The following RBMS3 variants were observed in gnomAD, a reference collection of about 807,000 sequenced individuals.
The protein encoded by RBMS3 is RNA-binding motif, single-stranded-interacting protein 3.
In RBMS3, 27 loss-of-function variants were observed where a neutral mutation model predicts 66.8. The ratio of observed to expected loss-of-function variants is 0.40; its 90% confidence interval spans 0.30 to 0.56. The LOEUF (loss-of-function observed/expected upper bound fraction) is 0.56, where lower values mean the gene tolerates loss of function less well. Among genes scored for constraint, RBMS3 ranks in the 20% least tolerant of loss-of-function variants. RBMS3 has a pLI of 0.40. For synonymous variants in RBMS3, 188 were observed against 183.0 expected (o/e 1.03, Z -0.22); for missense variants, 513 against 549.5 (o/e 0.93, Z 0.66).
rs192004114 is a variant in RBMS3, at chr3:29,665,990, C to T, written c.400-73730C>T. Among the ~76,000 whole-genome samples, 15 of 152,096 alleles carry T rather than the reference C, an allele frequency of 9.9e-5. No homozygotes were observed. In the East Asian group the frequency reaches 2.9e-3, roughly 30 times the overall value. ...TCTAAAAGGCTCGTCTACAGTTAAC[C>T]CTCTCCTCACCTTCTTGCTTCCTCT... On this transcript the variant is annotated intron_variant, in intron 4 of 14. Transcript: ENST00000383767.
chr3:29,590,124 A>C (rs1229775372), intron 4 of RBMS3, among the ~76,000 whole-genome samples: 1 of 150,866 alleles, frequency 6.6e-6, no homozygotes, highest in Non-Finnish European at 1.5e-5. Flanking sequence ...TGTTTCTTTT[A>C]GGAAATCAGA....
chr3:29,747,378 G>C lies in RBMS3; in HGVS notation c.557+7501G>C, dbSNP rs202113608. ...TCTATCTATCTATCTATCTATCTAG[G>C]TAGGTAGGTAGGTAGATAGATAGAT... On this transcript the variant is annotated intron_variant, in intron 5 of 14. Transcript: ENST00000383767. Among the ~76,000 whole-genome samples the C allele has an allele frequency of 9.8e-3, 1,275 of 130,508 alleles. 27 individuals carry two copies. Among genetic ancestry groups the C allele is most frequent in the Admixed American group, 0.043 (549 of 12,716 alleles). 85.6% of individuals were successfully genotyped at this position (130,508 alleles called of 152,430 possible).
intron 6 of RBMS3, among the ~76,000 whole-genome samples, chr3:29,812,571 T>C (rs1043349988): frequency 3.3e-5 from 5 of 152,292 alleles, no homozygotes; most frequent in Admixed American, 6.5e-5. Context: ...AAGCAGGAGA[T>C]TGCTGCTGTG....
intron 1 of RBMS3, among the ~76,000 whole-genome samples, chr3:29,323,100 A>T (rs748971348): frequency 1.4e-4 from 22 of 152,162 alleles, no homozygotes; most frequent in Non-Finnish European, 3.2e-4. Flanking sequence ...TCAAGAAGTC[A>T]AGAAAGACTG....
intron 1 of RBMS3, among the ~76,000 whole-genome samples, chr3:29,401,890 A>C (rs557751402): frequency 6.6e-6 from 1 of 152,120 alleles, no homozygotes; most frequent in Non-Finnish European, 1.5e-5. Context: ...TAATTTTTTA[A>C]AACTTGAAAA....
intron 4 of RBMS3, among the ~76,000 whole-genome samples, chr3:29,615,646 T>C (rs2048645191): frequency 1.3e-5 from 2 of 152,136 alleles, no homozygotes; most frequent in Admixed American, 6.5e-5. Flanking sequence ...GGTGCTGAGG[T>C]AAAAAGACTA....
intron 3 of RBMS3, among the ~76,000 whole-genome samples, chr3:29,558,580 T>C (rs2046435661): frequency 6.6e-6 from 1 of 152,232 alleles, no homozygotes; most frequent in Admixed American, 6.5e-5. Flanking sequence ...GTAGTGTTCA[T>C]TCATTCGACA....
chr3:29,867,833 G>T (rs1037263725), intron 6 of RBMS3, among the ~76,000 whole-genome samples: 2 of 151,818 alleles, frequency 1.3e-5, no homozygotes, highest in Admixed American at 1.3e-4. Context: ...TTCCTAATGA[G>T]TAACAGTTGT....
intron 10 of RBMS3, among the ~76,000 whole-genome samples, chr3:29,902,896 C>T (rs17024578): frequency 0.024 from 3,583 of 151,886 alleles, 147 homozygotes; most frequent in African/African-American, 0.082. Flanking sequence ...ACAGTGCTTC[C>T]GTAAAGTTCT....
intron 5 of RBMS3, among the ~76,000 whole-genome samples, chr3:29,747,809 C>T (rs934606616): frequency 1.3e-5 from 2 of 152,096 alleles, no homozygotes; most frequent in Admixed American, 6.5e-5. Context: ...CAGGAAAGAG[C>T]GGGCAAACAG....
intron 3 of RBMS3, among the ~76,000 whole-genome samples, chr3:29,553,861 G>A (rs2046259892): frequency 6.7e-6 from 1 of 149,000 alleles, no homozygotes; most frequent in African/African-American, 2.5e-5. Flanking sequence ...TCTCCTGAAA[G>A]GTACACTGTG....
intron 4 of RBMS3, among the ~76,000 whole-genome samples, chr3:29,636,724 G>A (rs988276337): frequency 6.6e-6 from 1 of 151,904 alleles, no homozygotes. Context: ...TATTTGCGCA[G>A]CACGACTTCA....
intron 4 of RBMS3, among the ~76,000 whole-genome samples, chr3:29,626,396 C>T (rs1039248622): frequency 3.9e-5 from 6 of 152,108 alleles, no homozygotes; most frequent in African/African-American, 1.2e-4. Context: ...TTTGGCAAAA[C>T]GTGATCAAGC....
In RBMS3 at chr3:29,997,112, AACTACCATCAGAGAAT is replaced by A. The variant is rs557196785; in HGVS notation, c.1307+5909_1307+5924del. 4.7e-4 allele frequency among the ~76,000 whole-genome samples: 71 copies of A among 151,902 alleles called. No homozygotes were observed. The East Asian group carries it at 0.013, about 28-fold the overall frequency. On this transcript the variant is annotated intron_variant, in intron 14 of 14. Transcript: ENST00000383767. ...TCACCACCGATCCCACAGAAATACA[AACTACCATCAGAGAAT>A]ACTACAAACACCTCTACGCAAATAA...
At chr3:29,996,895 G>C (rs1699279267) in intron 14 of RBMS3, among the ~76,000 whole-genome samples, 1 of 152,014 alleles carries the variant, frequency 6.6e-6, no homozygotes, top group African/African-American at 2.4e-5. Flanking sequence ...AAAGCTAGCA[G>C]AAGGCAAGAA....
At chr3:29,888,154 C>A (rs961287064) in intron 8 of RBMS3, among the ~76,000 whole-genome samples, 1 of 151,654 alleles carries the variant, frequency 6.6e-6, no homozygotes. Flanking sequence ...AACATTGTAT[C>A]CTTTAAACTA....
chr3:29,898,021 G>T (rs2060167854), intron 9 of RBMS3, among the ~76,000 whole-genome samples: 1 of 151,536 alleles, frequency 6.6e-6, no homozygotes, highest in African/African-American at 2.4e-5. Flanking sequence ...GACCAAAAGA[G>T]ACCTCAGGGG....
intron 1 of RBMS3, among the ~76,000 whole-genome samples, chr3:29,395,842 G>C (rs1443801355): frequency 6.6e-6 from 1 of 152,060 alleles, no homozygotes; most frequent in Non-Finnish European, 1.5e-5. Flanking sequence ...GCTCCAACTT[G>C]GCTTCCCACA....
intron 1 of RBMS3, among the ~76,000 whole-genome samples, chr3:29,376,766 C>T (rs942819338): frequency 1.7e-4 from 26 of 152,062 alleles, no homozygotes; most frequent in Non-Finnish European, 1.5e-5. Flanking sequence ...AATTACCTGG[C>T]GTGGTGGCGG....
Sources: gnomAD v4.1 joint callset for allele counts (sites outside exome capture counted in the v4.1 genomes callset) on GRCh38, gnomAD v4.1.1 for gene constraint, MANE v1.5 for transcripts, NCBI Gene and HGNC (gene_info 2026-07-23, HGNC 2026-07-21) for gene names.